The following MARCHF6 variants were observed in gnomAD, a reference collection of about 807,000 sequenced individuals.
MARCHF6 encodes the protein E3 ubiquitin-protein ligase MARCHF6.
In MARCHF6, 31 loss-of-function variants were observed where a neutral mutation model predicts 133.7. The observed-to-expected ratio is 0.23, with a 90% CI of 0.17 to 0.31. The LOEUF is 0.31. Among genes scored for constraint, MARCHF6 ranks in the 10% least tolerant of loss-of-function variants. MARCHF6 has a pLI of 1.00. For missense variants in MARCHF6, 723 were observed against 1,121.6 expected (o/e 0.64, Z 5.08); for synonymous variants, 395 against 402.5 (o/e 0.98, Z 0.22).
chr5:10,427,824 C>T (rs1334627258), intron 24 of MARCHF6, among the ~76,000 whole-genome samples: 2 of 152,088 alleles, frequency 1.3e-5, no homozygotes, highest in Non-Finnish European at 2.9e-5. Flanking sequence ...GCAGTAGCTA[C>T]TTGGGAGGCT....
At chr5:10,359,441 T>C (rs1397286291) in intron 1 of MARCHF6, among the ~76,000 whole-genome samples, 1 of 152,158 alleles carries the variant, frequency 6.6e-6, no homozygotes, top group Non-Finnish European at 1.5e-5. Flanking sequence ...GTATATAATA[T>C]TACAATACAT....
At chr5:10,378,112 TG>T (rs1421032736) in intron 2 of MARCHF6, among the ~76,000 whole-genome samples, 10 of 152,256 alleles carry the variant, frequency 6.6e-5, no homozygotes, top group Non-Finnish European at 1.2e-4. Context: ...GCTGTTATTT[TG>T]GTGTATCCTC....
At chr5:10,413,670 A>G (rs1739350620) in intron 19 of MARCHF6, among the ~76,000 whole-genome samples, 1 of 152,196 alleles carries the variant, frequency 6.6e-6, no homozygotes, top group South Asian at 2.1e-4. Context: ...AAGGTGAATG[A>G]TGAGCAAAGT....
intron 15 of MARCHF6, 58 bp from the exon 16 acceptor site, chr5:10,405,500 C>T (rs1738831155): frequency 5.0e-6 from 7 of 1,412,368 alleles, no homozygotes; most frequent in East Asian, 2.4e-5. Flanking sequence ...TGTTTTAGCT[C>T]ATATATAGAA....
chr5:10,406,393 CT>C (rs879432928), intron 16 of MARCHF6, among the ~76,000 whole-genome samples: 391 of 141,896 alleles, frequency 2.8e-3, no homozygotes, highest in Admixed American at 3.0e-3. Flanking sequence ...TAATTTCTTT[CT>C]TTTTTTTTTT....
chr5:10,376,250 C>T (rs1447287388), intron 1 of MARCHF6, among the ~76,000 whole-genome samples: 3 of 152,154 alleles, frequency 2.0e-5, no homozygotes, highest in African/African-American at 7.2e-5. Flanking sequence ...AGTTTCTCTC[C>T]TGAAGCCAGC....
At position 10,430,095 on chromosome 5, in the gene MARCHF6, G is replaced by T. The variant is rs112856148; in HGVS notation, c.2642+67G>T. On this transcript the variant is annotated intron_variant, in intron 25 of 25. Coordinates refer to ENST00000274140, the MANE Select transcript of MARCHF6 (RefSeq NM_005885.4). ...ACTTCTTAATTTATGTATCTGATGT[G>T]ACAAATCATAGGAGGGAAACATGCT... is the stretch of plus-strand genomic sequence containing the variant. 5 of 1,525,244 alleles carry T rather than the reference G, an allele frequency of 3.3e-6. No homozygotes were observed. In the African/African-American group the frequency reaches 4.1e-5, roughly 13 times the overall value. 94.5% of individuals were successfully genotyped at this position (1,525,244 alleles called of 1,614,324 possible).
At chr5:10,371,580 A>T (rs1238171236) in intron 1 of MARCHF6, among the ~76,000 whole-genome samples, 1 of 152,134 alleles carries the variant, frequency 6.6e-6, no homozygotes, top group Non-Finnish European at 1.5e-5. Flanking sequence ...ATTCACTATC[A>T]CGAGAACAGC....
chr5:10,431,624 TGA>T (rs1056415901), intron 25 of MARCHF6, among the ~76,000 whole-genome samples: 7 of 91,560 alleles, frequency 7.6e-5, no homozygotes, highest in South Asian at 5.9e-4. Flanking sequence ...TAAGAGTGAG[TGA>T]GTGTGTGTGT....
intron 1 of MARCHF6, among the ~76,000 whole-genome samples, chr5:10,359,010 C>A (rs1735651208): frequency 6.6e-6 from 1 of 152,188 alleles, no homozygotes; most frequent in African/African-American, 2.4e-5. Flanking sequence ...TTTGTGGCCA[C>A]CTTCCGTTGC....
At chr5:10,364,165 T>G (rs776608828) in intron 1 of MARCHF6, among the ~76,000 whole-genome samples, 33 of 152,190 alleles carry the variant, frequency 2.2e-4, no homozygotes, top group Admixed American at 5.2e-4. Context: ...GTGGCTAAAA[T>G]GGTAATAGAA....
At chr5:10,423,972 A>T (rs1272923795) in intron 23 of MARCHF6, 148 bp downstream of exon 23, 639 of 397,422 alleles carry the variant, frequency 1.6e-3, no homozygotes, top group Non-Finnish European at 1.9e-3. Context: ...TTTTTTTTTT[A>T]AAGACAGCAG....
intron 16 of MARCHF6, among the ~76,000 whole-genome samples, 177 bp from the exon 17 acceptor site, chr5:10,406,925 T>G (rs1223158868): frequency 6.6e-6 from 1 of 152,160 alleles, no homozygotes; most frequent in Non-Finnish European, 1.5e-5. Flanking sequence ...GCAGGCATCT[T>G]AGGAAAACAT....
rs563470209 is a variant in MARCHF6, at chr5:10,409,553, T to TA, written c.1554-585dup. Among the ~76,000 whole-genome samples, 218 of 152,352 alleles carry TA rather than the reference T, an allele frequency of 1.4e-3. 1 individual carries two copies. Among genetic ancestry groups the TA allele is most frequent in the Non-Finnish European group, 6.3e-4 (43 of 68,034 alleles). On this transcript the variant is annotated intron_variant, in intron 17 of 25. Coordinates refer to ENST00000274140, the MANE Select transcript of MARCHF6 (RefSeq NM_005885.4). ...TGGAGAGCCACCTCCTAGAGAGTCT[T>TA]ACACGACATAAGCACTTTGGCTTTT...
chr5:10,415,645 G>C lies in MARCHF6; in HGVS notation c.2124G>C (p.Gln708His). Residue 708 changes from glutamine (Q) to histidine (H), a missense_variant, in exon 21 of 26, where the codon CAG (glutamine) becomes CAC (histidine). Physicochemically the swap from Gln to His is conservative, Grantham distance 24. Transcript: ENST00000274140. ...WMPQGRRVIF[Q>H]KVKEWSLMIM... ...CTCAGGGACGCAGAGTGATCTTCCA[G>C]AAGGTTAAAGAGTGGTCTCTCATGG... 6.2e-7 allele frequency: 1 copy of C among 1,614,142 alleles called. No homozygotes were observed. The highest frequency in any genetic ancestry group is 8.5e-7 in the Non-Finnish European group (1 of 1,179,996).
intron 16 of MARCHF6, 128 bp downstream of exon 16, chr5:10,405,805 C>T (rs1738849937): frequency 4.1e-6 from 3 of 724,924 alleles, no homozygotes; most frequent in Admixed American, 4.0e-5. Context: ...TTATCTAAGC[C>T]TGTGGTATTC....
intron 1 of MARCHF6, among the ~76,000 whole-genome samples, chr5:10,373,670 A>G (rs552983308): frequency 1.3e-5 from 2 of 152,222 alleles, no homozygotes; most frequent in East Asian, 3.9e-4. Context: ...GCAGCGTCCC[A>G]CGGGTGGGAC....
At chr5:10,371,425 GT>G (rs1736457566) in intron 1 of MARCHF6, among the ~76,000 whole-genome samples, 1 of 152,230 alleles carries the variant, frequency 6.6e-6, no homozygotes, top group Non-Finnish European at 1.5e-5. Context: ...TGGACTTACA[GT>G]TCCATGTGGC....
Position 10,434,480 on chromosome 5 carries a change from C to G in MARCHF6, c.*796C>G, listed in dbSNP as rs1427285618. 1 of 134,758 alleles carries G rather than the reference C, an allele frequency of 7.4e-6. No individual in the cohort carries two copies. The highest frequency in any genetic ancestry group is 1.6e-5 in the Non-Finnish European group (1 of 63,042). 8.3% of individuals were successfully genotyped at this position (134,758 alleles called of 1,614,324 possible). On this transcript the variant is annotated 3_prime_UTR_variant, in exon 26 of 26. Transcript: ENST00000274140. ...AATGAAGATTTTCATGAGTCAGCCC[C>G]CCCGCCCGCCCCCACCCCACACCCA...
Sources: gnomAD v4.1 joint callset for allele counts (sites outside exome capture counted in the v4.1 genomes callset) on GRCh38, gnomAD v4.1.1 for gene constraint, MANE v1.5 for transcripts, NCBI Gene and HGNC (gene_info 2026-07-23, HGNC 2026-07-21) for gene names.